ABHD2: variants seen among roughly 807,000 people sequenced by gnomAD.
ABHD2 encodes the protein abhydrolase domain containing 2, acylglycerol lipase.
A neutral mutation model predicts 48.1 loss-of-function variants in ABHD2; 20 were observed. That is an observed-to-expected ratio of 0.42 (90% CI 0.29 to 0.60). ABHD2 has a LOEUF of 0.60. ABHD2 is among the 20% of genes least tolerant of loss of function. The pLI is 0.24. For missense variants in ABHD2, 405 were observed against 550.9 expected, an observed-to-expected ratio of 0.74 and a Z score of 2.65; for synonymous variants, 209 against 214.2, an observed-to-expected ratio of 0.98 and a Z score of 0.21.
the ABHD2 span, among the ~76,000 whole-genome samples, chr15:89,053,327 T>C: frequency 2.0e-5 from 3 of 152,110 alleles, no homozygotes; most frequent in Non-Finnish European, 4.4e-5. Context: ...TAACTTGTGG[T>C]ACTTTGTTAC....
At chr15:89,192,317 C>T (rs1283746812) in intron 9 of ABHD2, among the ~76,000 whole-genome samples, 2 of 152,176 alleles carry the variant, frequency 1.3e-5, no homozygotes, top group African/African-American at 4.8e-5. Flanking sequence ...CTACAGGATA[C>T]CACAATCATT....
intron 2 of ABHD2, 34 bp downstream of exon 2, chr15:89,113,858 C>T (rs1331789081): frequency 1.3e-5 from 2 of 152,236 alleles, no homozygotes; most frequent in African/African-American, 4.8e-5. Flanking sequence ...TTTTGTTTCT[C>T]CTCCCCTTAT....
intron 3 of ABHD2, among the ~76,000 whole-genome samples, chr15:89,138,341 T>C (rs950079439): frequency 1.3e-5 from 2 of 152,216 alleles, no homozygotes; most frequent in Admixed American, 1.3e-4. Context: ...CTTGTCCTCC[T>C]GGGTTTATTC....
In ABHD2 at chr15:89,104,847, T is replaced by C. The variant is rs532025787; in HGVS notation, c.-106-8878T>C. Among the ~76,000 whole-genome samples the C allele has an allele frequency of 1.4e-4, 22 of 152,206 alleles. No homozygotes were observed. The highest frequency in any genetic ancestry group is 2.6e-4 in the Non-Finnish European group (18 of 68,010). ...GGACAATCAATCTGGAGATGCCCTCTTCTTCAGTTGTATCCTTCTCTTAAA... is the reference window on the plus strand; with the variant it reads ...GGACAATCAATCTGGAGATGCCCTCCTCTTCAGTTGTATCCTTCTCTTAAA... On this transcript the variant is annotated intron_variant, in intron 1 of 10. Coordinates refer to ENST00000352732, the MANE Select transcript of ABHD2 (RefSeq NM_152924.5). The surrounding 1 kb of genome is among the most constrained non-coding windows in gnomAD (Gnocchi z 4.4).
At chr15:89,111,286 CTT>C (rs1567071472) in intron 1 of ABHD2, among the ~76,000 whole-genome samples, 1 of 152,184 alleles carries the variant, frequency 6.6e-6, no homozygotes, top group African/African-American at 2.4e-5. Context: ...CGCCAATACT[CTT>C]ATAACGCAGT....
At chr15:89,123,432 C>G (rs1354673665) in intron 3 of ABHD2, among the ~76,000 whole-genome samples, 1 of 152,180 alleles carries the variant, frequency 6.6e-6, no homozygotes. Flanking sequence ...ATTTGAGGAT[C>G]TACTTCTCTG....
At position 89,146,583 on chromosome 15, in the gene ABHD2, G is replaced by A. The variant is rs2050496391; in HGVS notation, c.195-5094G>A. On this transcript the variant is annotated intron_variant, in intron 3 of 10. Coordinates refer to ENST00000352732, the MANE Select transcript of ABHD2 (RefSeq NM_152924.5). This position sits in a 1 kb window ranked among gnomAD's most constrained non-coding sequence, Gnocchi z 4.2. ...CAAACATTTATTAACCGCTGGCCAC[G>A]GCACAACATTGGCCACAATACCATA... 6.6e-6 allele frequency among the ~76,000 whole-genome samples: 1 copy of A among 151,976 alleles called. No homozygotes were observed. Among genetic ancestry groups the A allele is most frequent in the African/African-American group, 2.4e-5 (1 of 41,350 alleles).
intron 8 of ABHD2, among the ~76,000 whole-genome samples, chr15:89,190,050 C>G (rs2051278255): frequency 6.6e-6 from 1 of 152,144 alleles, no homozygotes; most frequent in Non-Finnish European, 1.5e-5. Flanking sequence ...CTACACTTGG[C>G]CTCCACCCTG....
intron 3 of ABHD2, among the ~76,000 whole-genome samples, chr15:89,132,895 T>C (rs1268675647): frequency 6.6e-6 from 1 of 152,178 alleles, no homozygotes; most frequent in African/African-American, 2.4e-5. Flanking sequence ...TCTGAGAAAA[T>C]GTTTTCCTGT....
intron 3 of ABHD2, among the ~76,000 whole-genome samples, chr15:89,122,171 G>T (rs902515336): frequency 6.6e-6 from 1 of 152,104 alleles, no homozygotes; most frequent in Non-Finnish European, 1.5e-5. Flanking sequence ...CTAACTTGCC[G>T]CCCTACTCCT....
chr15:89,121,695 G>T (rs1246659628), intron 3 of ABHD2, among the ~76,000 whole-genome samples: 1 of 152,046 alleles, frequency 6.6e-6, no homozygotes, highest in African/African-American at 2.4e-5. Context: ...TACCTGTCCA[G>T]CCTCATTACT....
rs899086094 is a variant in ABHD2 at position 89,168,051 on chromosome 15, C to T, written c.539-7761C>T. 6.6e-6 allele frequency among the ~76,000 whole-genome samples: 1 copy of T among 152,208 alleles called. No homozygotes were observed. The highest frequency in any genetic ancestry group is 1.5e-5 in the Non-Finnish European group (1 of 68,044). On this transcript the variant is annotated intron_variant, in intron 5 of 10. Transcript: ENST00000352732. The surrounding 1 kb of genome is among the most constrained non-coding windows in gnomAD (Gnocchi z 4.8). ...GGAACATACAGAGATGACTCAGAGT[C>T]TCCATCCACAAGGAACACCAAGTCT...
the ABHD2 span, among the ~76,000 whole-genome samples, chr15:89,057,993 A>G: frequency 6.6e-6 from 1 of 152,112 alleles, no homozygotes; most frequent in African/African-American, 2.4e-5. Context: ...TAAGCCCACC[A>G]ACATTTGTGG....
chr15:89,145,251 A>G (rs1311919856), intron 3 of ABHD2, among the ~76,000 whole-genome samples: 1 of 152,224 alleles, frequency 6.6e-6, no homozygotes, highest in Non-Finnish European at 1.5e-5. Flanking sequence ...GTGAGACTCC[A>G]TTGCAAAAAC....
chr15:89,128,509 C>A lies in ABHD2; in HGVS notation c.194+11988C>A, dbSNP rs2050170740. Among the ~76,000 whole-genome samples the A allele has an allele frequency of 3.3e-5, 5 of 152,320 alleles. No homozygotes were observed. In the South Asian group the frequency reaches 1.0e-3, roughly 32 times the overall value. On this transcript the variant is annotated intron_variant, in intron 3 of 10. Coordinates refer to ENST00000352732, the MANE Select transcript of ABHD2 (RefSeq NM_152924.5). ...TTGCCGTCACCACAGCTACTCTATTCTTGTCTCCTAATTCCATGGATCTTC... is the reference window on the plus strand; with the variant it reads ...TTGCCGTCACCACAGCTACTCTATTATTGTCTCCTAATTCCATGGATCTTC...
At position 89,100,151 on chromosome 15, in the gene ABHD2, C is replaced by T. The variant is rs2049679234; in HGVS notation, c.-107+11588C>T. Reference sequence around the variant, plus strand: ...TGATCATGATTGCTCACAGGCAAGTCAAGACCAGACTAACCAGGCTTGAGG... The same window carrying T: ...TGATCATGATTGCTCACAGGCAAGTTAAGACCAGACTAACCAGGCTTGAGG... On this transcript the variant is annotated intron_variant, in intron 1 of 10. Transcript: ENST00000352732. The surrounding 1 kb of genome is among the most constrained non-coding windows in gnomAD (Gnocchi z 4.4). Among the ~76,000 whole-genome samples, 1 of 152,172 alleles carries T rather than the reference C, an allele frequency of 6.6e-6. No individual in the cohort carries two copies. The highest frequency in any genetic ancestry group is 1.5e-5 in the Non-Finnish European group (1 of 68,040).
At chr15:89,158,515 A>G (rs945912668) in intron 5 of ABHD2, among the ~76,000 whole-genome samples, 2 of 152,188 alleles carry the variant, frequency 1.3e-5, no homozygotes, top group Non-Finnish European at 2.9e-5. Context: ...TACCTGGGTC[A>G]GGAGACAGGC....
intron 9 of ABHD2, 50 bp downstream of exon 9, chr15:89,191,199 C>A: frequency 6.3e-7 from 1 of 1,579,794 alleles, no homozygotes; most frequent in Non-Finnish European, 8.7e-7. Context: ...CCCAGCCTCG[C>A]ACACAATACG....
chr15:89,067,194 C>G, the ABHD2 span, among the ~76,000 whole-genome samples: 4 of 152,230 alleles, frequency 2.6e-5, no homozygotes. Context: ...TGCTAAGGCC[C>G]GGAGCTCTGG....
Sources: allele counts gnomAD v4.1 joint callset (sites outside exome capture counted in the v4.1 genomes callset), GRCh38; gene constraint gnomAD v4.1.1; non-coding constraint Gnocchi (gnomAD v3.1); transcripts MANE v1.5; gene names NCBI Gene and HGNC (gene_info 2026-07-23, HGNC 2026-07-21).